CACHD1: variants seen among roughly 807,000 people sequenced by gnomAD.
CACHD1 encodes cache domain containing 1, also known as VWFA and cache domain-containing protein 1.
In CACHD1, 71 loss-of-function variants were observed where a neutral mutation model predicts 138.7. The ratio of observed to expected loss-of-function variants is 0.51; its 90% CI spans 0.42 to 0.62. The LOEUF is 0.62. Ranked by LOEUF, CACHD1 falls within the 20% of genes least tolerant of loss-of-function variation. The probability of loss-of-function intolerance (pLI) is 0.00; values close to 1 mark genes in which losing one functional copy is unlikely to be tolerated. For synonymous variants in CACHD1, 578 were observed against 591.5 expected (o/e 0.98, Z 0.33); for missense variants, 1,389 against 1,625.3 (o/e 0.85, Z 2.50).
Position 64,685,330 on chromosome 1 carries a change from T to C in CACHD1, c.3586+3224T>C, listed in dbSNP as rs944547693. Among the ~76,000 whole-genome samples the C allele has an allele frequency of 2.0e-5, 3 of 152,200 alleles. No homozygotes were observed. In the South Asian group the frequency reaches 6.2e-4, roughly 31 times the overall value. On this transcript the variant is annotated intron_variant, in intron 26 of 26. Coordinates refer to ENST00000651257, the MANE Select transcript of CACHD1 (RefSeq NM_020925.4). Reference sequence around the variant, plus strand: ...TGTAGTAGGCTGTATCATCTAGGTTTGTGAAAGTACACTCTGTGACATTTG... The same window carrying C: ...TGTAGTAGGCTGTATCATCTAGGTTCGTGAAAGTACACTCTGTGACATTTG...
chr1:64,632,209 G>A (rs542716004), intron 5 of CACHD1, among the ~76,000 whole-genome samples: 2 of 145,674 alleles, frequency 1.4e-5, no homozygotes, highest in Admixed American at 7.0e-5. Flanking sequence ...GTTTTAAGCT[G>A]TGCAGAAAGC....
chr1:64,512,461 T>C (rs1372221464), intron 1 of CACHD1, among the ~76,000 whole-genome samples: 1 of 149,804 alleles, frequency 6.7e-6, no homozygotes, highest in East Asian at 2.0e-4. Flanking sequence ...ATTCAACTTC[T>C]GCTCTTCCCC....
Position 64,566,415 on chromosome 1 carries a change from G to A in CACHD1, c.262-15741G>A, listed in dbSNP as rs567723468. 7.5e-5 allele frequency among the ~76,000 whole-genome samples: 11 copies of A among 147,580 alleles called. 1 individual carries two copies. In the East Asian group the frequency reaches 1.6e-3, roughly 22 times the overall value. ...CCTTTCCAGGGTCACCCAAGTAGGG[G>A]GTTAGAGAACTGATTTGAAATTCAA... On this transcript the variant is annotated intron_variant, in intron 2 of 26. Coordinates refer to ENST00000651257, the MANE Select transcript of CACHD1 (RefSeq NM_020925.4).
intron 26 of CACHD1, among the ~76,000 whole-genome samples, chr1:64,686,647 T>C (rs1650380577): frequency 6.6e-6 from 1 of 152,234 alleles, no homozygotes; most frequent in African/African-American, 2.4e-5. Flanking sequence ...TCCAATCATC[T>C]ATTGGCTTAT....
At chr1:64,685,580 C>T (rs79303238) in intron 26 of CACHD1, among the ~76,000 whole-genome samples, 2,137 of 152,050 alleles carry the variant, frequency 0.014, 35 homozygotes, top group South Asian at 0.04. Flanking sequence ...CTGTTGAGAC[C>T]TTAGTGAGCT....
chr1:64,646,216 C>A (rs1461289390), intron 8 of CACHD1, among the ~76,000 whole-genome samples: 1 of 152,104 alleles, frequency 6.6e-6, no homozygotes, highest in Non-Finnish European at 1.5e-5. Context: ...TGTTTTACTT[C>A]TGTGAGCTTC....
intron 2 of CACHD1, among the ~76,000 whole-genome samples, chr1:64,569,090 T>G (rs1042910777): frequency 5.9e-5 from 9 of 152,060 alleles, no homozygotes; most frequent in Non-Finnish European, 8.8e-5. Context: ...CCCGGCTAAT[T>G]TTTTATTTTT....
chr1:64,622,843 AAC>A (rs1557524211), intron 4 of CACHD1, among the ~76,000 whole-genome samples: 1 of 152,206 alleles, frequency 6.6e-6, no homozygotes, highest in Non-Finnish European at 1.5e-5. Context: ...GTTTTATTAA[AAC>A]AGTTTTATTG....
At chr1:64,531,202 G>A (rs1646582513) in intron 1 of CACHD1, among the ~76,000 whole-genome samples, 1 of 152,074 alleles carries the variant, frequency 6.6e-6, no homozygotes, top group Non-Finnish European at 1.5e-5. Context: ...ACCCTTTAAA[G>A]GAAACACTCT....
At chr1:64,687,803 C>A (rs1650415539) in intron 26 of CACHD1, among the ~76,000 whole-genome samples, 1 of 152,018 alleles carries the variant, frequency 6.6e-6, no homozygotes, top group South Asian at 2.1e-4. Flanking sequence ...GGTGGGGCAG[C>A]AGTTGTTTTT....
intron 3 of CACHD1, among the ~76,000 whole-genome samples, chr1:64,594,603 A>G: frequency 6.6e-6 from 1 of 152,186 alleles, no homozygotes; most frequent in South Asian, 2.1e-4. Flanking sequence ...ATCTGCTGAG[A>G]ATCTAGCTTC....
chr1:64,536,527 A>G (rs1209223111), intron 1 of CACHD1, among the ~76,000 whole-genome samples: 2 of 152,326 alleles, frequency 1.3e-5, no homozygotes, highest in South Asian at 2.1e-4. Flanking sequence ...GGTGTGCAGT[A>G]CAGCCAGATT....
chr1:64,534,328 G>C (rs1214652272), intron 1 of CACHD1, among the ~76,000 whole-genome samples: 1 of 152,140 alleles, frequency 6.6e-6, no homozygotes, highest in Non-Finnish European at 1.5e-5. Context: ...ACAGGTGTGA[G>C]CCACCGCGCC....
chr1:64,645,134 A>T (rs1456857698), intron 8 of CACHD1, among the ~76,000 whole-genome samples: 5 of 152,140 alleles, frequency 3.3e-5, no homozygotes, highest in African/African-American at 4.8e-5. Context: ...ACTACAGGAG[A>T]TAAGAGACTG....
chr1:64,541,443 T>C (rs1646676569), intron 1 of CACHD1, among the ~76,000 whole-genome samples: 1 of 152,244 alleles, frequency 6.6e-6, no homozygotes, highest in African/African-American at 2.4e-5. Context: ...TTACTTTGAT[T>C]GTAGCATAGA....
rs998950877 is a variant in CACHD1 at position 64,688,705 on chromosome 1, A to T, written c.3587-2618A>T. Among the ~76,000 whole-genome samples, 16 of 151,940 alleles carry T rather than the reference A, an allele frequency of 1.1e-4. 1 individual carries two copies. Among genetic ancestry groups the T allele is most frequent in the African/African-American group, 3.9e-4 (16 of 41,426 alleles). On this transcript the variant is annotated intron_variant, in intron 26 of 26. Coordinates refer to ENST00000651257, the MANE Select transcript of CACHD1 (RefSeq NM_020925.4). The stretch of plus-strand genomic sequence containing the variant: ...ACTGTCCACTACTAGATCATAGCTC[A>T]TAGCTTCAGCCAGCCTTCTTGACCT...
At chr1:64,528,053 T>C (rs1646554307) in intron 1 of CACHD1, among the ~76,000 whole-genome samples, 1 of 152,226 alleles carries the variant, frequency 6.6e-6, no homozygotes, top group Non-Finnish European at 1.5e-5. Flanking sequence ...TCTGAAAGAT[T>C]ATCTCCATTT....
intron 17 of CACHD1, 119 bp downstream of exon 17, chr1:64,671,805 C>T: frequency 8.2e-7 from 1 of 1,213,318 alleles, no homozygotes; most frequent in South Asian, 1.4e-5. Flanking sequence ...AATTTATGGC[C>T]TGGGTGTCCT....
rs1647062887 is a variant in CACHD1 at position 64,587,818 on chromosome 1, A to G, written c.410+5514A>G. Among the ~76,000 whole-genome samples the G allele has an allele frequency of 2.0e-5, 3 of 152,316 alleles. No homozygotes were observed. The South Asian group carries it at 6.2e-4, about 32-fold the overall frequency. ...TCTCCCACAAGGAGTGAACAAATGC[A>G]TAATTACACCTATGGACTATATCTG... On this transcript the variant is annotated intron_variant, in intron 3 of 26. Transcript: ENST00000651257.
Sources: gnomAD v4.1 joint callset for allele counts (sites outside exome capture counted in the v4.1 genomes callset) on GRCh38, gnomAD v4.1.1 for gene constraint, MANE v1.5 for transcripts, NCBI Gene and HGNC (gene_info 2026-07-23, HGNC 2026-07-21) for gene names.